The following SIPA1L3 variants were observed in gnomAD, a reference collection of about 807,000 sequenced individuals.
SIPA1L3 encodes signal-induced proliferation-associated 1-like protein 3.
SIPA1L3 carries 59 observed loss-of-function variants against 150.1 expected under a neutral mutation model. The ratio of observed to expected loss-of-function variants is 0.39; its 90% confidence interval spans 0.32 to 0.49. The LOEUF (loss-of-function observed/expected upper bound fraction) is 0.49. SIPA1L3 is among the 20% of genes least tolerant of loss of function. SIPA1L3 has a pLI of 0.86. For missense variants in SIPA1L3, 2,211 were observed against 2,489.5 expected (o/e 0.89, Z 2.38); for synonymous variants, 1,070 against 1,077.6 (o/e 0.99, Z 0.14).
At chr19:37,968,459 C>T (rs2046925347) in intron 1 of SIPA1L3, among the ~76,000 whole-genome samples, 2 of 152,128 alleles carry the variant, frequency 1.3e-5, no homozygotes, top group African/African-American at 4.8e-5. Context: ...GGTTTTCATT[C>T]CAAAGCCAGA....
intron 1 of SIPA1L3, among the ~76,000 whole-genome samples, chr19:38,005,907 G>A (rs755095061): frequency 2.0e-5 from 3 of 152,120 alleles, no homozygotes; most frequent in Non-Finnish European, 4.4e-5. Context: ...AATTAGCTGG[G>A]CATTTTAGTG....
intron 16 of SIPA1L3, among the ~76,000 whole-genome samples, chr19:38,183,606 G>T (rs897063126): frequency 3.9e-5 from 6 of 152,206 alleles, no homozygotes; most frequent in African/African-American, 1.2e-4. Flanking sequence ...CGTGAGGGGG[G>T]CCCTTGAGTA....
At chr19:38,022,463 G>A (rs1414002391) in intron 1 of SIPA1L3, among the ~76,000 whole-genome samples, 1 of 149,834 alleles carries the variant, frequency 6.7e-6, no homozygotes, top group East Asian at 2.0e-4. Flanking sequence ...ACTTTGGGAG[G>A]TCGAGGCAGG....
intron 1 of SIPA1L3, among the ~76,000 whole-genome samples, chr19:37,984,219 T>TA (rs1231567608): frequency 1.3e-5 from 2 of 152,184 alleles, no homozygotes; most frequent in African/African-American, 4.8e-5. Context: ...CTTGGGCAAG[T>TA]AACACCAAGC....
At chr19:38,060,661 G>A (rs1370431345) in intron 2 of SIPA1L3, among the ~76,000 whole-genome samples, 1 of 152,150 alleles carries the variant, frequency 6.6e-6, no homozygotes, top group Non-Finnish European at 1.5e-5. Flanking sequence ...GTAGATAAAA[G>A]TATAAAATAT....
rs773422234 is a variant in SIPA1L3 at position 38,142,559 on chromosome 19, CT to C, written c.3396-13del. 1.9e-6 allele frequency: 3 copies of C among 1,598,122 alleles called. No homozygotes were observed. Among genetic ancestry groups the C allele is most frequent in the Non-Finnish European group, 2.6e-6 (3 of 1,168,486 alleles). ...ACTCACCCTCTGCCTCCTTCCTCCC[CT>C]GTCTCCTTCTAGGCCTGTCAGCTTC... On this transcript the variant is annotated splice_polypyrimidine_tract_variant and intron_variant, in intron 11 of 21. Transcript: ENST00000222345.
chr19:38,195,139 C>T (rs148897561), intron 18 of SIPA1L3, among the ~76,000 whole-genome samples: 312 of 152,324 alleles, frequency 2.0e-3, no homozygotes, highest in African/African-American at 7.2e-3. Context: ...CCCACCTCTG[C>T]TCCTCCACCT....
chr19:38,204,190 G>A lies in SIPA1L3; in HGVS notation c.5184G>A (p.Leu1728=). 6.4e-7 allele frequency: 1 copy of A among 1,557,190 alleles called. No homozygotes were observed. The highest frequency in any genetic ancestry group is 1.9e-5 in the Admixed American group (1 of 52,658). The change falls in exon 21 of 22, where the codon CTG becomes CTA. Residue 1728 remains leucine, a synonymous_variant. Coordinates refer to ENST00000222345, the MANE Select transcript of SIPA1L3 (RefSeq NM_015073.3). Reference sequence around the variant, plus strand: ...AGCTGGAGGTGATGCTGAAACAGCTGCACACTGACCTGCAGAAGGTAAGGC... The same window carrying A: ...AGCTGGAGGTGATGCTGAAACAGCTACACACTGACCTGCAGAAGGTAAGGC... ...VYQLEVMLKQ[L]HTDLQKEKQD... is the part of the protein sequence containing the mutation.
At chr19:38,175,852 C>G (rs542130874) in intron 15 of SIPA1L3, among the ~76,000 whole-genome samples, 40 of 152,292 alleles carry the variant, frequency 2.6e-4, no homozygotes, top group Non-Finnish European at 4.6e-4. Flanking sequence ...TATGCTGCCC[C>G]AGTTTTCAAG....
chr19:37,944,027 A>C (rs2046686596), intron 1 of SIPA1L3, among the ~76,000 whole-genome samples: 1 of 152,190 alleles, frequency 6.6e-6, no homozygotes, highest in Admixed American at 6.5e-5. Flanking sequence ...CTGTAATCCC[A>C]GCACTTTGGG....
intron 9 of SIPA1L3, among the ~76,000 whole-genome samples, chr19:38,124,850 A>T (rs1230744834): frequency 6.6e-6 from 1 of 152,088 alleles, no homozygotes; most frequent in African/African-American, 2.4e-5. Flanking sequence ...AAAAATACGA[A>T]AACCAGTCAG....
intron 1 of SIPA1L3, among the ~76,000 whole-genome samples, chr19:38,026,880 A>G (rs1161098866): frequency 1.3e-5 from 2 of 152,226 alleles, no homozygotes; most frequent in Non-Finnish European, 2.9e-5. Flanking sequence ...ACTACTAGAA[A>G]TCACGGATAT....
intron 15 of SIPA1L3, among the ~76,000 whole-genome samples, chr19:38,180,030 G>A (rs903594148): frequency 3.9e-5 from 6 of 152,086 alleles, no homozygotes; most frequent in African/African-American, 1.4e-4. Context: ...TAGTAGAGAT[G>A]GGGTTTCACC....
intron 13 of SIPA1L3, among the ~76,000 whole-genome samples, chr19:38,156,677 T>A (rs755218726): frequency 6.6e-6 from 1 of 151,932 alleles, no homozygotes; most frequent in Non-Finnish European, 1.5e-5. Context: ...ATATAAAAAT[T>A]AGCTGGGTGT....
intron 2 of SIPA1L3, among the ~76,000 whole-genome samples, chr19:38,064,806 A>C (rs1969534351): frequency 6.6e-6 from 1 of 152,246 alleles, no homozygotes; most frequent in Non-Finnish European, 1.5e-5. Context: ...CTAAGAGTTA[A>C]GCTGTATTAT....
intron 10 of SIPA1L3, among the ~76,000 whole-genome samples, chr19:38,134,276 A>C (rs1971381289): frequency 6.6e-6 from 1 of 150,898 alleles, no homozygotes; most frequent in African/African-American, 2.4e-5. Flanking sequence ...GAGCCACTGC[A>C]CCCAGCCCAA....
intron 2 of SIPA1L3, among the ~76,000 whole-genome samples, chr19:38,078,527 C>T (rs965039631): frequency 1.9e-4 from 27 of 144,556 alleles, no homozygotes; most frequent in East Asian, 5.9e-4. Flanking sequence ...CACACACAGA[C>T]GCACACAGAC....
rs756754092 is a variant in SIPA1L3, at chr19:38,141,375, G to A, written c.3335G>A (p.Arg1112Gln). The change falls in exon 11 of 22, where the codon CGG becomes CAG. Residue 1112 changes from arginine (R) to glutamine (Q), a missense_variant. Physicochemically the swap from Arg to Gln is conservative, Grantham distance 43. Around this residue, in one of 5 missense-constraint regions of SIPA1L3, gnomAD observed 806 missense variants for 870.1 expected, o/e 0.93. Transcript: ENST00000222345. ...TTPGHAQSLS[R>Q]PLKQTPIVPF... Reference sequence around the variant, plus strand: ...CCCGGCCATGCCCAGTCCCTGAGCCGGCCCCTGAAGCAGACCCCCATAGTC... The same window carrying A: ...CCCGGCCATGCCCAGTCCCTGAGCCAGCCCCTGAAGCAGACCCCCATAGTC... 19 of 1,613,534 alleles carry A rather than the reference G, an allele frequency of 1.2e-5. No individual in the cohort carries two copies. The highest frequency in any genetic ancestry group is 9.9e-5 in the South Asian group (9 of 91,092).
chr19:37,936,718 A>G (rs891035016), intron 1 of SIPA1L3, among the ~76,000 whole-genome samples: 3 of 152,198 alleles, frequency 2.0e-5, no homozygotes, highest in African/African-American at 7.2e-5. Context: ...GGCATGGTGG[A>G]GTTGAGATGC....
Sources: allele counts gnomAD v4.1 joint callset (sites outside exome capture counted in the v4.1 genomes callset), GRCh38; gene constraint gnomAD v4.1.1; regional missense constraint gnomAD v4.1.1; transcripts MANE v1.5; gene names NCBI Gene and HGNC (gene_info 2026-07-23, HGNC 2026-07-21).